The following SASH1 variants were observed in gnomAD, a reference collection of about 807,000 sequenced individuals.
The protein encoded by SASH1 is SAM and SH3 domain containing 1.
A neutral mutation model predicts 125.2 loss-of-function variants in SASH1; 44 were observed. That is an observed-to-expected ratio of 0.35 (90% CI 0.28 to 0.45). The LOEUF is 0.45. Among genes scored for constraint, SASH1 ranks in the 20% least tolerant of loss-of-function variants. The pLI, the probability that SASH1 is intolerant of heterozygous loss-of-function variation, is 1.00. For synonymous variants in SASH1, 639 were observed against 649.1 expected, an observed-to-expected ratio of 0.98 and a Z score of 0.24; for missense variants, 1,426 against 1,614.5, an observed-to-expected ratio of 0.88 and a Z score of 2.00.
intron 1 of SASH1, among the ~76,000 whole-genome samples, chr6:148,376,898 C>T (rs558455237): frequency 2.0e-5 from 3 of 150,684 alleles, no homozygotes; most frequent in African/African-American, 4.9e-5. Flanking sequence ...CGGCCGGGCG[C>T]GGTGGCTCAC....
intron 8 of SASH1, among the ~76,000 whole-genome samples, chr6:148,502,662 T>C (rs1183607437): frequency 1.3e-5 from 2 of 152,104 alleles, no homozygotes; most frequent in Non-Finnish European, 2.9e-5. Flanking sequence ...GAAGCTCCTG[T>C]TGACTGGTGT....
At chr6:148,224,871 G>T in the SASH1 span, among the ~76,000 whole-genome samples, 49 of 152,186 alleles carry the variant, frequency 3.2e-4, no homozygotes, top group Non-Finnish European at 1.5e-4. Flanking sequence ...GGAAAAAATA[G>T]TTATGGAAGT....
rs756474875 is a variant in SASH1, at chr6:148,468,559, A to T, written c.401A>T (p.Lys134Ile). ...TTCTTTTCTAGGAACCCTCTTCATA[A>T]ATCAAACTCAGAAGACAGCTCTGTA... ...PEVERKNPLH[K>I]SNSEDSSVGK... Residue 134 changes from lysine to isoleucine, a missense_variant, in exon 5 of 20, where the codon AAA becomes ATA. Physicochemically the swap from Lys to Ile is moderately radical, Grantham distance 102 (BLOSUM62 -3). Transcript: ENST00000367467. 3.7e-6 allele frequency: 6 copies of T among 1,609,944 alleles called. No homozygotes were observed. Among genetic ancestry groups the T allele is most frequent in the Non-Finnish European group, 5.1e-6 (6 of 1,177,040 alleles).
upstream of SASH1, among the ~76,000 whole-genome samples, chr6:148,271,827 C>T (rs942217437): frequency 3.3e-5 from 5 of 152,104 alleles, no homozygotes; most frequent in Non-Finnish European, 7.3e-5. Context: ...AATAGTCCTC[C>T]CTTCCTTTTC....
chr6:148,299,190 C>A (rs2128512320), intron 1 of SASH1, among the ~76,000 whole-genome samples: 1 of 152,218 alleles, frequency 6.6e-6, no homozygotes, highest in Middle Eastern at 3.4e-3. Context: ...CTTCTCTGTC[C>A]TCTTAGGCTT....
upstream of SASH1, among the ~76,000 whole-genome samples, chr6:148,337,849 T>A (rs1216158750): frequency 6.6e-6 from 1 of 152,216 alleles, no homozygotes; most frequent in Non-Finnish European, 1.5e-5. Flanking sequence ...TTTCACTCAT[T>A]TGTGACAACA....
intron 7 of SASH1, among the ~76,000 whole-genome samples, chr6:148,474,536 A>G (rs1390390396): frequency 5.9e-5 from 9 of 152,250 alleles, no homozygotes; most frequent in African/African-American, 1.9e-4. Flanking sequence ...CAATTATTAA[A>G]TAAAAATCAA....
chr6:148,538,685 C>T (rs146560744), intron 16 of SASH1, among the ~76,000 whole-genome samples: 3 of 152,312 alleles, frequency 2.0e-5, no homozygotes, highest in South Asian at 2.1e-4. Context: ...AAGTGGTGGA[C>T]AGCCGGAGAG....
chr6:148,501,080 G>A (rs967151758), intron 8 of SASH1, among the ~76,000 whole-genome samples: 2 of 151,962 alleles, frequency 1.3e-5, no homozygotes, highest in African/African-American at 2.4e-5. Flanking sequence ...GGACCCTCCT[G>A]CCTCCAGCTT....
intron 11 of SASH1, 151 bp downstream of exon 11, chr6:148,525,516 C>T (rs1053352700): frequency 2.4e-5 from 16 of 667,600 alleles, no homozygotes; most frequent in African/African-American, 1.9e-4. Flanking sequence ...TTTCACTTGC[C>T]TTACAGACTC....
At chr6:148,254,076 G>A in the SASH1 span, among the ~76,000 whole-genome samples, 33 of 151,122 alleles carry the variant, frequency 2.2e-4, no homozygotes, top group South Asian at 2.1e-4. Context: ...CATTGGTGGC[G>A]TGCACCTGTA....
chr6:148,516,036 T>C (rs1230719106), intron 9 of SASH1, among the ~76,000 whole-genome samples: 1 of 152,236 alleles, frequency 6.6e-6, no homozygotes, highest in Non-Finnish European at 1.5e-5. Flanking sequence ...AATTTGCACA[T>C]TTATTTCAGA....
the SASH1 span, among the ~76,000 whole-genome samples, chr6:148,261,871 A>T: frequency 6.6e-6 from 1 of 152,042 alleles, no homozygotes. Flanking sequence ...ATGGTGGGGG[A>T]TGGGCTTGGG....
At chr6:148,199,856 G>GAAAGA in the SASH1 span, among the ~76,000 whole-genome samples, 3 of 151,892 alleles carry the variant, frequency 2.0e-5, no homozygotes, top group African/African-American at 4.8e-5. Context: ...GAAAGGAAAG[G>GAAAGA]AAAGAAAAGA....
intron 8 of SASH1, among the ~76,000 whole-genome samples, chr6:148,508,069 C>A (rs1583273740): frequency 6.6e-6 from 1 of 152,128 alleles, no homozygotes; most frequent in African/African-American, 2.4e-5. Context: ...GCTCACGTTT[C>A]TAGAATGCAG....
chr6:148,414,845 T>C (rs1219236467), intron 2 of SASH1, among the ~76,000 whole-genome samples: 1 of 152,084 alleles, frequency 6.6e-6, no homozygotes, highest in Non-Finnish European at 1.5e-5. Context: ...TTTTGTAGTT[T>C]CTTGGCCAGG....
intron 17 of SASH1, among the ~76,000 whole-genome samples, chr6:148,542,473 A>G (rs1483579538): frequency 6.6e-6 from 1 of 151,674 alleles, no homozygotes; most frequent in Admixed American, 6.6e-5. Context: ...TGCAAGGTCC[A>G]CCTCCCGGGT....
At chr6:148,204,184 A>T in the SASH1 span, among the ~76,000 whole-genome samples, 3 of 152,218 alleles carry the variant, frequency 2.0e-5, no homozygotes, top group Non-Finnish European at 4.4e-5. Flanking sequence ...AGTGTAGGGT[A>T]ACGCTTTCTA....
intron 2 of SASH1, among the ~76,000 whole-genome samples, chr6:148,421,334 C>A (rs988786867): frequency 1.3e-5 from 2 of 152,180 alleles, no homozygotes; most frequent in Admixed American, 6.5e-5. Context: ...GACAGAGTCT[C>A]GCTCTGTTAC....
Sources: allele counts gnomAD v4.1 joint callset (sites outside exome capture counted in the v4.1 genomes callset), GRCh38; gene constraint gnomAD v4.1.1; transcripts MANE v1.5; gene names NCBI Gene and HGNC (gene_info 2026-07-23, HGNC 2026-07-21).